Variants in SLC39A14 observed in about 807,000 individuals in gnomAD.
The protein encoded by SLC39A14 is solute carrier family 39 member 14, also known as metal cation symporter ZIP14.
A neutral mutation model predicts 45.5 loss-of-function variants in SLC39A14; 19 were observed. That is an observed-to-expected ratio of 0.42 (90% confidence interval 0.29 to 0.61). The LOEUF (loss-of-function observed/expected upper bound fraction) is 0.61, where lower values mean the gene tolerates loss of function less well. SLC39A14 is among the 20% of genes least tolerant of loss of function. The pLI, the probability that SLC39A14 is intolerant of heterozygous loss-of-function variation, is 0.22. For missense variants in SLC39A14, 447 were observed against 616.5 expected (o/e 0.73, Z 2.91); for synonymous variants, 264 against 251.3 (o/e 1.05, Z -0.48).
intron 8 of SLC39A14, among the ~76,000 whole-genome samples, chr8:22,428,441 C>CTTTTTTT (rs59846887): frequency 3.4e-5 from 4 of 116,422 alleles, no homozygotes; most frequent in Non-Finnish European, 5.2e-5. Flanking sequence ...TTCATATGTT[C>CTTTTTTT]TTTTTTTTTT....
chr8:22,410,249 A>C (rs1835492413), intron 3 of SLC39A14: 1 of 904,090 alleles, frequency 1.1e-6, no homozygotes, highest in African/African-American at 1.7e-5. Context: ...CCTCGTATCA[A>C]AGCCACAAAC....
At chr8:22,401,550 T>C (rs898029205) in intron 1 of SLC39A14, among the ~76,000 whole-genome samples, 1 of 137,596 alleles carries the variant, frequency 7.3e-6, no homozygotes, top group Non-Finnish European at 1.6e-5. Flanking sequence ...TTTCTTTTTT[T>C]TTTTTTTTTT....
At chr8:22,409,311 A>G (rs532211535) in intron 3 of SLC39A14, among the ~76,000 whole-genome samples, 1 of 152,110 alleles carries the variant, frequency 6.6e-6, no homozygotes, top group African/African-American at 2.4e-5. Flanking sequence ...GGCACCCGGA[A>G]TATACTGTCT....
chr8:22,406,672 CAG>C (rs1272028057), intron 2 of SLC39A14, among the ~76,000 whole-genome samples: 1 of 152,122 alleles, frequency 6.6e-6, no homozygotes, highest in Admixed American at 6.5e-5. Context: ...AGCCTGGCGA[CAG>C]AGCGAGACTC....
At chr8:22,368,752 G>C (rs1461599481) in intron 1 of SLC39A14, among the ~76,000 whole-genome samples, 1 of 151,922 alleles carries the variant, frequency 6.6e-6, no homozygotes, top group Admixed American at 6.6e-5. Flanking sequence ...TAGCCAGGAT[G>C]GTCTCGATCT....
chr8:22,410,062 G>T (rs761185500), intron 3 of SLC39A14: 7 of 1,613,902 alleles, frequency 4.3e-6, no homozygotes, highest in Non-Finnish European at 5.9e-6. Context: ...TTACTTCATC[G>T]CCCTGTCCAT....
intron 2 of SLC39A14, among the ~76,000 whole-genome samples, chr8:22,407,041 A>G (rs1835264014): frequency 6.6e-6 from 1 of 152,230 alleles, no homozygotes. Context: ...AGAAGCGCTT[A>G]CCTGCTGCCT....
At chr8:22,374,577 A>ATGT in intron 1 of SLC39A14, among the ~76,000 whole-genome samples, 1 of 148,380 alleles carries the variant, frequency 6.7e-6, no homozygotes, top group Non-Finnish European at 1.5e-5. Flanking sequence ...AGAGTGGCTG[A>ATGT]GAGGGAGCAG....
At chr8:22,413,139 C>A (rs11989798) in intron 4 of SLC39A14, among the ~76,000 whole-genome samples, 12,593 of 152,170 alleles carry the variant, frequency 0.083, 645 homozygotes, top group African/African-American at 0.15. Flanking sequence ...TTGGTGTAAT[C>A]CCCTCAGCAG....
At chr8:22,370,874 A>G (rs558398259) in intron 1 of SLC39A14, among the ~76,000 whole-genome samples, 62 of 152,302 alleles carry the variant, frequency 4.1e-4, no homozygotes, top group Non-Finnish European at 7.8e-4. Context: ...TCTGACCTCC[A>G]GGCTGGTGGG....
At chr8:22,428,165 C>G (rs987313250) in intron 8 of SLC39A14, among the ~76,000 whole-genome samples, 1 of 152,012 alleles carries the variant, frequency 6.6e-6, no homozygotes, top group African/African-American at 2.4e-5. Context: ...GGTGTGGTGG[C>G]GCATGCCTGT....
At chr8:22,430,164 G>A (rs553392527) in intron 8 of SLC39A14, among the ~76,000 whole-genome samples, 2 of 152,208 alleles carry the variant, frequency 1.3e-5, no homozygotes, top group South Asian at 2.1e-4. Context: ...TTAGAGATGG[G>A]GTCAGAGGTC....
At chr8:22,398,714 A>T (rs188867949) in intron 1 of SLC39A14, 1 of 985,384 alleles carries the variant, frequency 1.0e-6, no homozygotes, top group Non-Finnish European at 1.2e-6. Flanking sequence ...AAAGTGCAGC[A>T]TGCTGAACAT....
intron 1 of SLC39A14, among the ~76,000 whole-genome samples, chr8:22,391,691 T>A (rs1166605862): frequency 6.6e-6 from 1 of 152,074 alleles, no homozygotes; most frequent in East Asian, 1.9e-4. Context: ...TGCCTCAGCC[T>A]CCCGAGTAGC....
chr8:22,422,095 G>T lies in SLC39A14; in HGVS notation c.*2397G>T. ...CTTTTGATTTTTAGTTGTTGAATTTGCTGTTTCAAGCATTTGTACATATTA... is the reference window on the plus strand; with the variant it reads ...CTTTTGATTTTTAGTTGTTGAATTTTCTGTTTCAAGCATTTGTACATATTA... On this transcript the variant is annotated 3_prime_UTR_variant, in exon 9 of 9. Transcript: ENST00000381237. 1 of 985,398 alleles carries T rather than the reference G, an allele frequency of 1.0e-6. No individual in the cohort carries two copies. 61.0% of individuals were successfully genotyped at this position (985,398 alleles called of 1,614,324 possible). A position where few individuals can be genotyped will look rare whatever the true frequency, so the allele number is the denominator to read the frequency against.
chr8:22,416,419 T>C (rs917140022), intron 7 of SLC39A14, 139 bp downstream of exon 7: 5 of 719,688 alleles, frequency 6.9e-6, no homozygotes, highest in South Asian at 3.6e-5. Flanking sequence ...TAAAGCTTCA[T>C]GGACCCTAAT....
At chr8:22,386,757 A>T (rs567903326) in intron 1 of SLC39A14, among the ~76,000 whole-genome samples, 2 of 152,310 alleles carry the variant, frequency 1.3e-5, no homozygotes, top group African/African-American at 4.8e-5. Context: ...TACTCCATCC[A>T]CTTTGCAAGG....
intron 1 of SLC39A14, chr8:22,390,751 G>A (rs753571295): frequency 3.3e-5 from 5 of 151,968 alleles, no homozygotes; most frequent in Non-Finnish European, 5.9e-5. Flanking sequence ...TGTGCAGGCT[G>A]GAGTGCAGTG....
At chr8:22,422,753 T>A, downstream of SLC39A14, 1 of 977,964 alleles carries the variant, frequency 1.0e-6, no homozygotes, top group Non-Finnish European at 1.2e-6. Context: ...GTGGCGATGG[T>A]GTCTCACTGA....
Sources: allele counts gnomAD v4.1 joint callset (sites outside exome capture counted in the v4.1 genomes callset), GRCh38; gene constraint gnomAD v4.1.1; transcripts MANE v1.5; gene names NCBI Gene and HGNC (gene_info 2026-07-23, HGNC 2026-07-21).